The following DLG2 variants were observed in gnomAD, a reference collection of about 807,000 sequenced individuals.
DLG2 encodes the protein disks large homolog 2.
In DLG2, 45 loss-of-function variants were observed where a neutral mutation model predicts 132.5. The ratio of observed to expected loss-of-function variants is 0.34; its 90% CI spans 0.27 to 0.44. DLG2 has a LOEUF of 0.44. Ranked by LOEUF, DLG2 falls within the 20% of genes least tolerant of loss-of-function variation. The pLI, the probability that DLG2 is intolerant of heterozygous loss-of-function variation, is 1.00. For synonymous variants in DLG2, 424 were observed against 419.6 expected (o/e 1.01, Z -0.13); for missense variants, 1,045 against 1,196.9 (o/e 0.87, Z 1.87).
chr11:84,267,232 T>C lies in DLG2; in HGVS notation c.520-15941A>G, dbSNP rs1000380762. ...ATTGTGATGATTGCGTACAAAAGTA[T>C]AGATTAAAGTAGTTGGTAAGAAATT... On this transcript the variant is annotated intron_variant, in intron 7 of 27. Coordinates refer to ENST00000376104, the MANE Select transcript of DLG2 (RefSeq NM_001142699.3). 3.0e-4 allele frequency among the ~76,000 whole-genome samples: 9 copies of C among 30,258 alleles called. 1 individual carries two copies. The highest frequency in any genetic ancestry group is 1.8e-3 in the Admixed American group (4 of 2,174). 19.9% of individuals were successfully genotyped at this position (30,258 alleles called of 152,430 possible).
chr11:84,756,357 C>A (rs1225806387), intron 6 of DLG2, among the ~76,000 whole-genome samples: 1 of 152,090 alleles, frequency 6.6e-6, no homozygotes, highest in Admixed American at 6.5e-5. Flanking sequence ...ACCTGTAATC[C>A]CAGCCCTTTA....
intron 6 of DLG2, among the ~76,000 whole-genome samples, chr11:84,857,472 G>A (rs904659498): frequency 6.6e-6 from 1 of 151,948 alleles, no homozygotes; most frequent in Non-Finnish European, 1.5e-5. Flanking sequence ...AAAGGCACAG[G>A]AGGAATCAGT....
chr11:84,272,253 C>A (rs2097734493), intron 7 of DLG2: 1 of 429,284 alleles, frequency 2.3e-6, no homozygotes, highest in Non-Finnish European at 4.7e-6. Flanking sequence ...TGGCATCTAA[C>A]TTGAGTCACT....
chr11:84,375,622 C>A (rs889058265), intron 7 of DLG2, among the ~76,000 whole-genome samples: 1 of 151,730 alleles, frequency 6.6e-6, no homozygotes, highest in African/African-American at 2.4e-5. Context: ...TGACTTTATC[C>A]GTTTTAGTAT....
chr11:85,529,591 G>A (rs1214656284), intron 3 of DLG2, among the ~76,000 whole-genome samples: 1 of 151,936 alleles, frequency 6.6e-6, no homozygotes. Context: ...TCTTGACTTT[G>A]GTGAACAAGT....
intron 4 of DLG2, among the ~76,000 whole-genome samples, chr11:85,229,891 G>C (rs1595555052): frequency 6.6e-6 from 1 of 152,006 alleles, no homozygotes; most frequent in Non-Finnish European, 1.5e-5. Context: ...CACAGGAACA[G>C]AAAACCAAAC....
intron 7 of DLG2, among the ~76,000 whole-genome samples, chr11:84,534,001 T>C (rs1446052012): frequency 6.6e-6 from 1 of 151,696 alleles, no homozygotes; most frequent in East Asian, 1.9e-4. Flanking sequence ...TATACCTTCT[T>C]CTTGTCGAAA....
intron 3 of DLG2, among the ~76,000 whole-genome samples, chr11:85,509,334 A>G (rs2094005351): frequency 6.6e-6 from 1 of 152,074 alleles, no homozygotes; most frequent in Non-Finnish European, 1.5e-5. Flanking sequence ...ATCTCATAAA[A>G]GCTATTTCTT....
At chr11:84,570,018 C>G (rs1310733371) in intron 6 of DLG2, among the ~76,000 whole-genome samples, 4 of 152,070 alleles carry the variant, frequency 2.6e-5, no homozygotes, top group Admixed American at 1.3e-4. Context: ...TGGTGAATAG[C>G]TGGGTGCAAT....
chr11:84,176,323 AT>A (rs2095966277), intron 8 of DLG2, among the ~76,000 whole-genome samples: 1 of 148,604 alleles, frequency 6.7e-6, no homozygotes, highest in East Asian at 1.9e-4. Context: ...AAGCTTATAT[AT>A]ATATATATAT....
intron 6 of DLG2, among the ~76,000 whole-genome samples, chr11:84,689,632 T>C (rs55890442): frequency 0.072 from 10,932 of 152,104 alleles, 473 homozygotes; most frequent in East Asian, 0.21. Context: ...ACTTTTACTA[T>C]AGAAGTTAAA....
intron 2 of DLG2, among the ~76,000 whole-genome samples, chr11:85,600,948 G>C (rs954611474): frequency 6.6e-6 from 1 of 152,110 alleles, no homozygotes; most frequent in African/African-American, 2.4e-5. Flanking sequence ...AATTTCCAAA[G>C]TCTAAATATT....
intron 6 of DLG2, among the ~76,000 whole-genome samples, chr11:84,947,667 C>T (rs1172979251): frequency 6.6e-6 from 1 of 152,112 alleles, no homozygotes; most frequent in African/African-American, 2.4e-5. Flanking sequence ...GAATAAATAG[C>T]CTCTGCTTGT....
At chr11:84,975,661 C>T (rs866929049) in intron 6 of DLG2, among the ~76,000 whole-genome samples, 2 of 152,274 alleles carry the variant, frequency 1.3e-5, no homozygotes, top group Middle Eastern at 3.4e-3. Context: ...TATTCATCAA[C>T]ACAATCTTAA....
intron 3 of DLG2, among the ~76,000 whole-genome samples, chr11:85,394,971 A>T (rs2087163484): frequency 6.6e-6 from 1 of 152,152 alleles, no homozygotes; most frequent in Admixed American, 6.5e-5. Flanking sequence ...TTGCACTATG[A>T]TATATAAGCC....
At chr11:84,970,452 G>A (rs571815818) in intron 6 of DLG2, among the ~76,000 whole-genome samples, 18 of 152,120 alleles carry the variant, frequency 1.2e-4, no homozygotes, top group African/African-American at 2.2e-4. Context: ...CATAAACCGC[G>A]TTGCTTATAA....
At chr11:83,809,756 T>C (rs553969942) in intron 17 of DLG2, among the ~76,000 whole-genome samples, 1 of 152,126 alleles carries the variant, frequency 6.6e-6, no homozygotes, top group Admixed American at 6.6e-5. Flanking sequence ...AAATAAGTAC[T>C]GAAATGTTTC....
Position 84,813,361 on chromosome 11 carries a change from G to A in DLG2, c.358-278630C>T, listed in dbSNP as rs149823961. 1.8e-3 allele frequency among the ~76,000 whole-genome samples: 275 copies of A among 152,068 alleles called. 3 individuals carry two copies. Among genetic ancestry groups the A allele is most frequent in the African/African-American group, 6.3e-3 (260 of 41,498 alleles). The stretch of plus-strand genomic sequence containing the variant: ...CATAGCAACCCCTTGAGAAATGGCA[G>A]CAACTCTGAACTTCCCGGAGGAGAT... On this transcript the variant is annotated intron_variant, in intron 6 of 27. Transcript: ENST00000376104.
chr11:83,617,969 A>G (rs988824399), intron 19 of DLG2, among the ~76,000 whole-genome samples: 5 of 152,040 alleles, frequency 3.3e-5, no homozygotes, highest in African/African-American at 1.2e-4. Flanking sequence ...TACATTCCAG[A>G]CTGTGTGATG....
Sources: gnomAD v4.1 joint callset for allele counts (sites outside exome capture counted in the v4.1 genomes callset) on GRCh38, gnomAD v4.1.1 for gene constraint, MANE v1.5 for transcripts, NCBI Gene and HGNC (gene_info 2026-07-23, HGNC 2026-07-21) for gene names.